PEPD: variants seen among roughly 807,000 people sequenced by gnomAD.
PEPD encodes the protein peptidase D.
A neutral mutation model predicts 60.7 loss-of-function variants in PEPD; 53 were observed. The ratio of observed to expected loss-of-function variants is 0.87; its 90% confidence interval spans 0.70 to 1.10. The LOEUF is 1.10. Ranked by LOEUF, PEPD falls within the 50% of genes least tolerant of loss-of-function variation. PEPD has a pLI of 0.00. For missense variants in PEPD, 711 were observed against 711.9 expected, an observed-to-expected ratio of 1.00 and a Z score of 0.01; for synonymous variants, 267 against 284.1, an observed-to-expected ratio of 0.94 and a Z score of 0.60.
At chr19:33,477,177 G>A (rs971894607) in intron 7 of PEPD, 6 of 152,324 alleles carry the variant, frequency 3.9e-5, no homozygotes, top group African/African-American at 9.7e-5. Context: ...TTCTGTGAAC[G>A]AGTGGTCCTT....
chr19:33,412,864 C>T (rs1968808648), intron 10 of PEPD, among the ~76,000 whole-genome samples: 1 of 152,172 alleles, frequency 6.6e-6, no homozygotes, highest in Non-Finnish European at 1.5e-5. Context: ...ACGAGGGGGC[C>T]ACGCCCACAG....
chr19:33,387,597 G>C, intron 14 of PEPD, 116 bp from the exon 15 acceptor site: 3 of 1,349,418 alleles, frequency 2.2e-6, no homozygotes, highest in Non-Finnish European at 3.1e-6. Flanking sequence ...ACACTCCCTG[G>C]GAGACGGGTG....
intron 7 of PEPD, among the ~76,000 whole-genome samples, chr19:33,473,122 C>T (rs1366610962): frequency 6.6e-6 from 1 of 152,178 alleles, no homozygotes; most frequent in East Asian, 1.9e-4. Context: ...CTGGCCACGC[C>T]TTTCCTTCTG....
intron 6 of PEPD, among the ~76,000 whole-genome samples, chr19:33,480,445 G>A (rs1484712112): frequency 1.3e-5 from 2 of 152,194 alleles, no homozygotes; most frequent in South Asian, 2.1e-4. Context: ...AGTTGGAGAC[G>A]TCAATAATCT....
chr19:33,482,598 G>A (rs1970329971), intron 6 of PEPD, among the ~76,000 whole-genome samples: 1 of 152,138 alleles, frequency 6.6e-6, no homozygotes, highest in African/African-American at 2.4e-5. Flanking sequence ...TTCTAGCCAA[G>A]GCAAACAGGC....
At chr19:33,456,733 A>G (rs1600130517) in intron 9 of PEPD, among the ~76,000 whole-genome samples, 1 of 152,124 alleles carries the variant, frequency 6.6e-6, no homozygotes, top group South Asian at 2.1e-4. Context: ...CTCCGGTCTC[A>G]GAGGCCGCCT....
intron 4 of PEPD, among the ~76,000 whole-genome samples, chr19:33,500,606 G>C (rs1686421096): frequency 6.6e-6 from 1 of 152,230 alleles, no homozygotes; most frequent in Non-Finnish European, 1.5e-5. Context: ...GCCCAGCCTT[G>C]TGGTGACTTA....
intron 1 of PEPD, among the ~76,000 whole-genome samples, chr19:33,521,311 T>G (rs1971126645): frequency 6.6e-6 from 1 of 152,224 alleles, no homozygotes; most frequent in African/African-American, 2.4e-5. Context: ...GGGGTGACAT[T>G]TGGCCCCTGA....
At position 33,387,375 on chromosome 19, in the gene PEPD, T is replaced by G. The variant is rs1269372983; in HGVS notation, c.1451A>C (p.Lys484Thr). The stretch of plus-strand genomic sequence containing the variant: ...GGGGCCAGAGAAGGGGGTAAAGGCC[T>G]TGTCACAGCCTGCCATGCATGCTTC... The part of the protein sequence containing the change: ...EIEACMAGCD[K>T]AFTPFSGPK The change falls in exon 15 of 15, where the codon AAG becomes ACG. Residue 484 changes from lysine (K) to threonine (T), a missense_variant. Physicochemically the swap from Lys to Thr is moderately conservative, Grantham distance 78 (BLOSUM62 -1). Coordinates refer to ENST00000244137, the MANE Select transcript of PEPD (RefSeq NM_000285.4). 1.2e-6 allele frequency: 2 copies of G among 1,614,070 alleles called. No individual in the cohort carries two copies. Among genetic ancestry groups the G allele is most frequent in the Admixed American group, 3.3e-5 (2 of 60,028 alleles).
At chr19:33,411,570 C>G (rs926057779) in intron 11 of PEPD, 102 bp downstream of exon 11, 1 of 733,106 alleles carries the variant, frequency 1.4e-6, no homozygotes. Context: ...GTGGTCAGCC[C>G]TCTCAGGACA....
intron 9 of PEPD, among the ~76,000 whole-genome samples, chr19:33,454,899 T>C (rs1969768312): frequency 6.6e-6 from 1 of 152,196 alleles, no homozygotes; most frequent in African/African-American, 2.4e-5. Flanking sequence ...GGCACTTCTG[T>C]GCTCTCCTTC....
intron 11 of PEPD, among the ~76,000 whole-genome samples, chr19:33,411,282 C>T (rs1055654192): frequency 6.6e-6 from 1 of 152,156 alleles, no homozygotes; most frequent in East Asian, 1.9e-4. Flanking sequence ...CTTCCCAGCT[C>T]CAGACCAAGA....
At chr19:33,441,872 T>C (rs1467364654) in intron 9 of PEPD, among the ~76,000 whole-genome samples, 1 of 152,266 alleles carries the variant, frequency 6.6e-6, no homozygotes, top group Non-Finnish European at 1.5e-5. Context: ...ATTTTAAAAC[T>C]AGAACTTCTC....
chr19:33,410,491 G>A (rs965699014), intron 11 of PEPD, among the ~76,000 whole-genome samples: 1 of 152,236 alleles, frequency 6.6e-6, no homozygotes. Context: ...GGCATGGCTG[G>A]GGACTCTGGG....
chr19:33,490,849 G>C (rs1045232638), intron 5 of PEPD, among the ~76,000 whole-genome samples: 1 of 151,924 alleles, frequency 6.6e-6, no homozygotes, highest in Admixed American at 6.6e-5. Flanking sequence ...TTTTAGTAGA[G>C]ACATGGTTTT....
intron 9 of PEPD, among the ~76,000 whole-genome samples, chr19:33,453,660 A>G (rs1969742422): frequency 6.6e-6 from 1 of 152,252 alleles, no homozygotes; most frequent in Non-Finnish European, 1.5e-5. Flanking sequence ...GCACTAGGAA[A>G]CACGAAAATT....
intron 11 of PEPD, among the ~76,000 whole-genome samples, chr19:33,411,429 C>T (rs1436973374): frequency 2.0e-5 from 3 of 152,208 alleles, no homozygotes; most frequent in South Asian, 2.1e-4. Context: ...AGGAAACCAT[C>T]GGGGGCCCCT....
chr19:33,470,023 A>G (rs1017069152), intron 7 of PEPD, among the ~76,000 whole-genome samples: 5 of 151,398 alleles, frequency 3.3e-5, no homozygotes, highest in Non-Finnish European at 7.4e-5. Flanking sequence ...CCCCATCTCA[A>G]TGAGGCTCTG....
chr19:33,437,261 T>TTGCC (rs1176490230), intron 9 of PEPD, among the ~76,000 whole-genome samples: 1 of 152,128 alleles, frequency 6.6e-6, no homozygotes, highest in African/African-American at 2.4e-5. Flanking sequence ...TTCTAAACGA[T>TTGCC]AGTTTAACTA....
Sources: allele counts gnomAD v4.1 joint callset (sites outside exome capture counted in the v4.1 genomes callset), GRCh38; gene constraint gnomAD v4.1.1; transcripts MANE v1.5; gene names NCBI Gene and HGNC (gene_info 2026-07-23, HGNC 2026-07-21).